FAM167B: variants seen among roughly 807,000 people sequenced by gnomAD.
FAM167B encodes protein FAM167B.
A neutral mutation model predicts 15.4 loss-of-function variants in FAM167B; 7 were observed. The ratio of observed to expected loss-of-function variants is 0.46; its 90% CI spans 0.26 to 0.86. The LOEUF (loss-of-function observed/expected upper bound fraction) is 0.86, where lower values mean the gene tolerates loss of function less well. Ranked by LOEUF, FAM167B falls within the 40% of genes least tolerant of loss-of-function variation. The pLI is 0.17. For missense variants in FAM167B, 207 were observed against 208.3 expected, an observed-to-expected ratio of 0.99 and a Z score of 0.04; for synonymous variants, 100 against 94.6, an observed-to-expected ratio of 1.06 and a Z score of -0.33.
intron 1 of FAM167B, 76 bp from the exon 2 acceptor site, chr1:32,248,295 C>A: frequency 8.0e-7 from 1 of 1,255,802 alleles, no homozygotes; most frequent in Non-Finnish European, 1.1e-6. Flanking sequence ...TGCAAAGGCC[C>A]AGCGTTGCCA....
chr1:32,248,463 C>A lies in FAM167B; in HGVS notation c.354C>A (p.His118Gln). 6.2e-7 allele frequency: 1 copy of A among 1,606,154 alleles called. No homozygotes were observed. Among genetic ancestry groups the A allele is most frequent in the Non-Finnish European group, 8.5e-7 (1 of 1,178,014 alleles). ...GACTGAAGATGGACCAAGCCTGTCACCTGCACCAGGAGCTGCTGGATGAGG... is the reference window on the plus strand; with the variant it reads ...GACTGAAGATGGACCAAGCCTGTCAACTGCACCAGGAGCTGCTGGATGAGG... ...LHRLKMDQAC[H>Q]LHQELLDEAE... Residue 118 changes from histidine to glutamine, a missense_variant, in exon 2 of 2, where the codon CAC (histidine) becomes CAA (glutamine). Coordinates refer to ENST00000373582, the MANE Select transcript of FAM167B (RefSeq NM_032648.3).
In FAM167B at chr1:32,248,574, C is replaced by A; in HGVS notation, c.465C>A (p.Ile155=). Residue 155 remains isoleucine (I), a synonymous_variant, in exon 2 of 2, where the codon ATC becomes ATA. Coordinates refer to ENST00000373582, the MANE Select transcript of FAM167B (RefSeq NM_032648.3). ...ACCTGGGCCTCACGCGCATGAACAT[C>A]AGCGCCCGGCGCTTCACCCTCTGCT... ...LRHLGLTRMN[I]SARRFTLC The A allele has an allele frequency of 1.3e-6, 2 of 1,544,396 alleles. No individual in the cohort carries two copies. Among genetic ancestry groups the A allele is most frequent in the Non-Finnish European group, 1.7e-6 (2 of 1,146,918 alleles).
Position 32,247,237 on chromosome 1 carries a change from C to A in FAM167B, c.-185C>A. The A allele has an allele frequency of 3.3e-6, 2 of 615,176 alleles. No homozygotes were observed. Among genetic ancestry groups the A allele is most frequent in the Non-Finnish European group, 5.0e-6 (2 of 402,390 alleles). 38.1% of individuals were successfully genotyped at this position (615,176 alleles called of 1,614,324 possible). A position where few individuals can be genotyped will look rare whatever the true frequency, so the allele number is the denominator to read the frequency against. On this transcript the variant is annotated 5_prime_UTR_variant, in exon 1 of 2. Transcript: ENST00000373582. ...CAGCCCTTGCATACTTGGCCTCACA[C>A]ACCCATCTGCTCACTCACCCTGGCA...
In FAM167B at chr1:32,248,780, T is replaced by G; in HGVS notation, c.*179T>G. On this transcript the variant is annotated 3_prime_UTR_variant, in exon 2 of 2. Coordinates refer to ENST00000373582, the MANE Select transcript of FAM167B (RefSeq NM_032648.3). ...CAAAACCCCAGCATCCTGTTTCCTC[T>G]GCTGACCCAGCTGGGAGGGGGAGGA... 1 of 626,858 alleles carries G rather than the reference T, an allele frequency of 1.6e-6. No individual in the cohort carries two copies. The highest frequency in any genetic ancestry group is 2.0e-5 in the South Asian group (1 of 49,976). 38.8% of individuals were successfully genotyped at this position (626,858 alleles called of 1,614,324 possible).
chr1:32,248,437 C>G lies in FAM167B; in HGVS notation c.328C>G (p.Arg110Gly). ...GCTGCGGCTGCGGGCCCAGCTGCAC[C>G]GACTGAAGATGGACCAAGCCTGTCA... ...QLLRLRAQLH[R>G]LKMDQACHLH... Residue 110 changes from arginine (R) to glycine (G), a missense_variant, in exon 2 of 2, where the codon CGA (arginine) becomes GGA (glycine). Physicochemically the swap from Arg to Gly is moderately radical, Grantham distance 125 (BLOSUM62 -2). Coordinates refer to ENST00000373582, the MANE Select transcript of FAM167B (RefSeq NM_032648.3). 6.2e-7 allele frequency: 1 copy of G among 1,604,792 alleles called. No homozygotes were observed. The highest frequency in any genetic ancestry group is 1.7e-5 in the Admixed American group (1 of 59,104).
Position 32,247,331 on chromosome 1 carries a change from C to T in FAM167B, c.-91C>T, listed in dbSNP as rs1041035694. The T allele has an allele frequency of 2.1e-6, 3 of 1,447,062 alleles. No homozygotes were observed. Among genetic ancestry groups the T allele is most frequent in the East Asian group, 5.2e-5 (2 of 38,420 alleles). The allele number at this position is 1,447,062 out of a possible 1,614,324, so 89.6% of individuals were successfully genotyped here. A position where few individuals can be genotyped will look rare whatever the true frequency, so the allele number is the denominator to read the frequency against. ...CTCCCTGGCACGCTCTTCTCACCCT[C>T]AACTTCTGCCACCTCTCCCTGGGCA... On this transcript the variant is annotated 5_prime_UTR_variant, in exon 1 of 2. Coordinates refer to ENST00000373582, the MANE Select transcript of FAM167B (RefSeq NM_032648.3).
rs1003686192 is a variant in FAM167B at position 32,248,660 on chromosome 1, C to A, written c.*59C>A. ...CTCCCAATGCCGCTTCCCCTGCCTG[C>A]CTGGGAAGAGGAAAGGGAGGGGTGC... On this transcript the variant is annotated 3_prime_UTR_variant, in exon 2 of 2. Transcript: ENST00000373582. 17 of 1,413,256 alleles carry A rather than the reference C, an allele frequency of 1.2e-5. No homozygotes were observed. In the African/African-American group the frequency reaches 1.6e-4, roughly 13 times the overall value. 87.5% of individuals were successfully genotyped at this position (1,413,256 alleles called of 1,614,324 possible).
In FAM167B at chr1:32,248,410, C is replaced by T. The variant is rs1557563470; in HGVS notation, c.301C>T (p.Leu101=). The change falls in exon 2 of 2, where the codon CTG becomes TTG. Residue 101 remains leucine, a synonymous_variant. Coordinates refer to ENST00000373582, the MANE Select transcript of FAM167B (RefSeq NM_032648.3). ...GCAGGACAGGCAGCTGGCAGGGCAG[C>T]TGCTGCGGCTGCGGGCCCAGCTGCA... ...QAQDRQLAGQ[L]LRLRAQLHRL... is the part of the protein sequence containing the mutation. 1 of 1,597,160 alleles carries T rather than the reference C, an allele frequency of 6.3e-7. No homozygotes were observed. Among genetic ancestry groups the T allele is most frequent in the Non-Finnish European group, 8.5e-7 (1 of 1,176,028 alleles).
chr1:32,248,684 G>A lies in FAM167B; in HGVS notation c.*83G>A. The A allele has an allele frequency of 8.2e-7, 1 of 1,218,324 alleles. No homozygotes were observed. Among genetic ancestry groups the A allele is most frequent in the Non-Finnish European group, 1.1e-6 (1 of 898,308 alleles). 75.5% of individuals were successfully genotyped at this position (1,218,324 alleles called of 1,614,324 possible). On this transcript the variant is annotated 3_prime_UTR_variant, in exon 2 of 2. Transcript: ENST00000373582. ...GCCTGGGAAGAGGAAAGGGAGGGGTGCCCCAGAGGCACCAGCTCCTGGCGG... is the reference window on the plus strand; with the variant it reads ...GCCTGGGAAGAGGAAAGGGAGGGGTACCCCAGAGGCACCAGCTCCTGGCGG...
chr1:32,248,432 TGCACCG>T lies in FAM167B; in HGVS notation c.324_329del (p.His109_Arg110del). 6.2e-7 allele frequency: 1 copy of T among 1,603,826 alleles called. No individual in the cohort carries two copies. Among genetic ancestry groups the T allele is most frequent in the Non-Finnish European group, 8.5e-7 (1 of 1,177,984 alleles). ...CAGCTGCTGCGGCTGCGGGCCCAGCTGCACCGACTGAAGATGGACCAAGCCTGTCAC... is the reference window on the plus strand; with the variant it reads ...CAGCTGCTGCGGCTGCGGGCCCAGCTACTGAAGATGGACCAAGCCTGTCAC... On this transcript the variant is annotated inframe_deletion, in exon 2 of 2. Transcript: ENST00000373582.
chr1:32,247,556 G>T lies in FAM167B; in HGVS notation c.135G>T (p.Glu45Asp). 1 of 1,604,874 alleles carries T rather than the reference G, an allele frequency of 6.2e-7. No homozygotes were observed. The highest frequency in any genetic ancestry group is 8.5e-7 in the Non-Finnish European group (1 of 1,175,452). Residue 45 changes from glutamate (E) to aspartate (D), a missense_variant, in exon 1 of 2, where the codon GAG becomes GAT. Coordinates refer to ENST00000373582, the MANE Select transcript of FAM167B (RefSeq NM_032648.3). ...AGACTCGGCGGCCCTCATATCTGGA[G>T]TGGACAGCCCAGGTCCAGAGCCAGG... ...QLQTRRPSYL[E>D]WTAQVQSQAW...
rs753193147 is a variant in FAM167B, at chr1:32,248,385, G to A, written c.276G>A (p.Ala92=). ...CTCGGCCGCAGCGGGAGATGCAGGC[G>A]CAGGACAGGCAGCTGGCAGGGCAGC... The part of the protein sequence containing the change: ...WLRRELREMQ[A]QDRQLAGQLL... The change falls in exon 2 of 2, where the codon GCG becomes GCA. Residue 92 remains alanine, a synonymous_variant. Transcript: ENST00000373582. 2.2e-5 allele frequency: 35 copies of A among 1,582,176 alleles called. No individual in the cohort carries two copies. In the African/African-American group the frequency reaches 3.7e-4, roughly 17 times the overall value.
Position 32,248,388 on chromosome 1 carries a change from G to A in FAM167B, c.279G>A (p.Gln93=). Residue 93 remains glutamine (Q), a synonymous_variant, in exon 2 of 2, where the codon CAG becomes CAA. Coordinates refer to ENST00000373582, the MANE Select transcript of FAM167B (RefSeq NM_032648.3). ...GGCCGCAGCGGGAGATGCAGGCGCA[G>A]GACAGGCAGCTGGCAGGGCAGCTGC... is the stretch of plus-strand genomic sequence containing the variant. ...LRRELREMQA[Q]DRQLAGQLLR... The A allele has an allele frequency of 6.3e-7, 1 of 1,586,276 alleles. No individual in the cohort carries two copies. Among genetic ancestry groups the A allele is most frequent in the Non-Finnish European group, 8.5e-7 (1 of 1,171,946 alleles).
In FAM167B at chr1:32,247,588, G is replaced by A. The variant is rs747746477; in HGVS notation, c.167G>A (p.Arg56His). Residue 56 changes from arginine (R) to histidine (H), a missense_variant, in exon 1 of 2, where the codon CGC becomes CAC. Transcript: ENST00000373582. ...GCCCAGGTCCAGAGCCAGGCCTGGCGCAGGGCCCAAGCCAAACCTGGACCA... is the reference window on the plus strand; with the variant it reads ...GCCCAGGTCCAGAGCCAGGCCTGGCACAGGGCCCAAGCCAAACCTGGACCA... ...WTAQVQSQAWRRAQAKPGPGG... is the reference protein window; with the variant it reads ...WTAQVQSQAWHRAQAKPGPGG... 1.4e-5 allele frequency: 22 copies of A among 1,574,292 alleles called. No homozygotes were observed. The highest frequency in any genetic ancestry group is 5.8e-5 in the South Asian group (5 of 85,896).
chr1:32,247,733 C>T (rs1346898027), intron 1 of FAM167B, 51 bp downstream of exon 1: 10 of 1,436,814 alleles, frequency 7.0e-6, no homozygotes, highest in African/African-American at 1.5e-5. Flanking sequence ...GGCTGGTCCT[C>T]CTTAGGGTCC....
In FAM167B at chr1:32,248,494, C is replaced by A; in HGVS notation, c.385C>A (p.Leu129Met). Residue 129 changes from leucine (L) to methionine (M), a missense_variant, in exon 2 of 2, where the codon CTG becomes ATG. By Grantham distance (15) the Leu-to-Met change is conservative (BLOSUM62 2). Transcript: ENST00000373582. Reference sequence around the variant, plus strand: ...CCAGGAGCTGCTGGATGAGGCCGAGCTGGAGCTGGAGCTGGAGCCCGGGGC... The same window carrying A: ...CCAGGAGCTGCTGGATGAGGCCGAGATGGAGCTGGAGCTGGAGCCCGGGGC... ...LHQELLDEAE[L>M]ELELEPGAGL... 1 of 1,584,666 alleles carries A rather than the reference C, an allele frequency of 6.3e-7. No homozygotes were observed. The highest frequency in any genetic ancestry group is 8.6e-7 in the Non-Finnish European group (1 of 1,167,738).
chr1:32,248,323 C>T, intron 1 of FAM167B, 48 bp from the exon 2 acceptor site: 1 of 1,465,338 alleles, frequency 6.8e-7, no homozygotes, highest in Non-Finnish European at 9.1e-7. Context: ...AGAAACGGCG[C>T]GCGGCCGAGG....
Position 32,248,646 on chromosome 1 carries a change from G to A in FAM167B, c.*45G>A, listed in dbSNP as rs1263383464. 9.0e-6 allele frequency: 13 copies of A among 1,449,582 alleles called. No individual in the cohort carries two copies. The highest frequency in any genetic ancestry group is 4.3e-5 in the African/African-American group (3 of 70,532). 89.8% of individuals were successfully genotyped at this position (1,449,582 alleles called of 1,614,324 possible). On this transcript the variant is annotated 3_prime_UTR_variant, in exon 2 of 2. Transcript: ENST00000373582. The stretch of plus-strand genomic sequence containing the variant: ...ACTCCCCGCCCCCTCTCCCAATGCC[G>A]CTTCCCCTGCCTGCCTGGGAAGAGG...
Position 32,248,691 on chromosome 1 carries a change from A to G in FAM167B, c.*90A>G. On this transcript the variant is annotated 3_prime_UTR_variant, in exon 2 of 2. Transcript: ENST00000373582. ...AAGAGGAAAGGGAGGGGTGCCCCAG[A>G]GGCACCAGCTCCTGGCGGGGGAGGA... The G allele has an allele frequency of 8.8e-7, 1 of 1,136,238 alleles. No individual in the cohort carries two copies. Among genetic ancestry groups the G allele is most frequent in the Non-Finnish European group, 1.2e-6 (1 of 823,812 alleles). 70.4% of individuals were successfully genotyped at this position (1,136,238 alleles called of 1,614,324 possible). A position where few individuals can be genotyped will look rare whatever the true frequency, so the allele number is the denominator to read the frequency against.
Sources: allele counts gnomAD v4.1 joint callset, GRCh38; gene constraint gnomAD v4.1.1; transcripts MANE v1.5; gene names NCBI Gene and HGNC (gene_info 2026-07-23, HGNC 2026-07-21).